The following ZNF536 variants were observed in gnomAD, a reference collection of about 807,000 sequenced individuals.
ZNF536 encodes the protein zinc finger protein 536.
Under a neutral mutation model 84.5 loss-of-function variants are expected in ZNF536, and 13 were observed. The observed-to-expected ratio is 0.15, with a 90% CI of 0.10 to 0.24. The LOEUF is 0.24. ZNF536 is among the 10% of genes least tolerant of loss of function. The probability of loss-of-function intolerance (pLI) is 1.00; values close to 1 mark genes in which losing one functional copy is unlikely to be tolerated. For missense variants in ZNF536, 1,536 were observed against 1,747.5 expected (o/e 0.88, Z 2.16); for synonymous variants, 811 against 742.5 (o/e 1.09, Z -1.50).
At chr19:30,550,570 AGGC>A (rs2045737300) in intron 4 of ZNF536, among the ~76,000 whole-genome samples, 5 of 151,942 alleles carry the variant, frequency 3.3e-5, no homozygotes, top group African/African-American at 1.2e-4. Context: ...GAAGGCAGGA[AGGC>A]AGGAAGGGAG....
At chr19:30,637,352 C>A (rs1178542549) in intron 1 of ZNF536, among the ~76,000 whole-genome samples, 1 of 152,212 alleles carries the variant, frequency 6.6e-6, no homozygotes, top group African/African-American at 2.4e-5. Flanking sequence ...GAGAGTCCAT[C>A]AACTGGGATT....
At chr19:30,524,530 C>T (rs1423141447) in intron 2 of ZNF536, among the ~76,000 whole-genome samples, 2 of 152,190 alleles carry the variant, frequency 1.3e-5, no homozygotes, top group South Asian at 2.1e-4. Flanking sequence ...CTAGGGGAGG[C>T]GTTATCTCCA....
At chr19:30,618,409 A>G (rs1166633078) in intron 1 of ZNF536, among the ~76,000 whole-genome samples, 2 of 152,160 alleles carry the variant, frequency 1.3e-5, no homozygotes, top group African/African-American at 4.8e-5. Context: ...ACAGCATAAT[A>G]TTTTGTTTTC....
chr19:30,366,385 T>TATC (rs1287397335), intron 3 of ZNF536, among the ~76,000 whole-genome samples: 4 of 151,952 alleles, frequency 2.6e-5, no homozygotes, highest in African/African-American at 9.7e-5. Context: ...TCTATCTATC[T>TATC]ATCTATCTAT....
At chr19:30,396,227 C>T (rs1037991170) in intron 1 of ZNF536, among the ~76,000 whole-genome samples, 9 of 152,212 alleles carry the variant, frequency 5.9e-5, no homozygotes, top group African/African-American at 2.2e-4. Flanking sequence ...TGGTACCTCT[C>T]TCCATCTCCT....
At chr19:30,226,983 A>G (rs1252971869), upstream of ZNF536, among the ~76,000 whole-genome samples, 1 of 141,694 alleles carries the variant, frequency 7.1e-6, no homozygotes, top group Non-Finnish European at 1.6e-5. This position sits in a 1 kb window ranked among gnomAD's most constrained non-coding sequence, Gnocchi z 4.6. Flanking sequence ...GGTGTATTTT[A>G]GGCAAAAAAA....
intron 3 of ZNF536, 21 bp from the exon 4 acceptor site, chr19:30,547,922 T>C (rs2045617082): frequency 6.6e-7 from 1 of 1,513,628 alleles, no homozygotes; most frequent in Non-Finnish European, 8.8e-7. Context: ...CTCTTTTTTT[T>C]CTTATATCAA....
chr19:30,693,544 GAGAGA>G (rs983943675), intron 1 of ZNF536, among the ~76,000 whole-genome samples: 3 of 151,902 alleles, frequency 2.0e-5, no homozygotes, highest in Non-Finnish European at 2.9e-5. Flanking sequence ...ATAGTGGGGG[GAGAGA>G]AGAGAAGAAA....
chr19:30,422,856 A>AT (rs2051025751), intron 1 of ZNF536, among the ~76,000 whole-genome samples: 1 of 119,442 alleles, frequency 8.4e-6, no homozygotes, highest in Non-Finnish European at 1.8e-5. Context: ...CATCCATCCA[A>AT]CCATCCATCC....
intron 1 of ZNF536, among the ~76,000 whole-genome samples, chr19:30,702,672 G>T (rs887849220): frequency 3.9e-5 from 6 of 152,126 alleles, no homozygotes; most frequent in African/African-American, 1.4e-4. Flanking sequence ...CCTGTACCTC[G>T]CTGACCTGCT....
chr19:30,384,092 C>CTCTTTCTT (rs5827707), intron 1 of ZNF536, among the ~76,000 whole-genome samples: 20 of 97,924 alleles, frequency 2.0e-4, no homozygotes, highest in Non-Finnish European at 3.4e-4. Context: ...TTCTGCCCAC[C>CTCTTTCTT]TCTTTCTCTT....
chr19:30,698,221 G>A lies in ZNF536; in HGVS notation c.170-12536G>A, dbSNP rs111842596. 9.7e-3 allele frequency among the ~76,000 whole-genome samples: 1,473 copies of A among 152,110 alleles called. 36 individuals carry two copies. The highest frequency in any genetic ancestry group is 0.034 in the African/African-American group (1,395 of 41,472). ...TCTGGAGAATCACTTGAACCTGGGA[G>A]GTGGACGCTGCAGTGAACTGAGACT... On this transcript the variant is annotated intron_variant, in intron 1 of 1. Coordinates refer to the ZNF536 transcript ENST00000592773.
chr19:30,638,178 A>G (rs1029776935), intron 1 of ZNF536, among the ~76,000 whole-genome samples: 3 of 152,268 alleles, frequency 2.0e-5, no homozygotes, highest in Non-Finnish European at 4.4e-5. Flanking sequence ...AAGCCAGGCC[A>G]GGGTGGCTGG....
rs55650802 is a variant in ZNF536 at position 30,414,093 on chromosome 19, C to CAAAA, written c.-2-29450_-2-29447dup. On this transcript the variant is annotated intron_variant, in intron 1 of 4. Transcript: ENST00000355537. ...CGGGCAACAGTGAGAGACTCTGTCT[C>CAAAA]AAAAAAAAAAAAAAAAAAAAAGTTT... 9.0e-3 allele frequency among the ~76,000 whole-genome samples: 732 copies of CAAAA among 81,532 alleles called. 24 individuals carry two copies. The highest frequency in any genetic ancestry group is 0.015 in the East Asian group (38 of 2,478). The allele number at this position is 81,532 out of a possible 152,430, so 53.5% of individuals were successfully genotyped here.
chr19:30,628,665 G>A (rs1047902590), intron 1 of ZNF536, among the ~76,000 whole-genome samples: 115 of 151,884 alleles, frequency 7.6e-4, no homozygotes, highest in African/African-American at 2.4e-3. Flanking sequence ...TCCTGACCTC[G>A]TGATCCACCC....
chr19:30,234,734 A>G (rs1279836304), intron 1 of ZNF536, among the ~76,000 whole-genome samples: 2 of 143,678 alleles, frequency 1.4e-5, no homozygotes, highest in Non-Finnish European at 3.0e-5. Flanking sequence ...TTGTTGCTTT[A>G]TTACTAAATT....
intron 2 of ZNF536, among the ~76,000 whole-genome samples, chr19:30,517,012 C>T (rs1157807490): frequency 2.0e-5 from 3 of 152,118 alleles, no homozygotes; most frequent in East Asian, 3.9e-4. Context: ...AGTCCTGGGA[C>T]GTGATCTTTA....
At chr19:30,443,466 A>G (rs1281353469) in intron 1 of ZNF536, 95 bp from the exon 2 acceptor site, 4 of 1,456,510 alleles carry the variant, frequency 2.7e-6, no homozygotes, top group Non-Finnish European at 3.6e-6. Flanking sequence ...TGTGTAGGTA[A>G]GGCATGAAAT....
At chr19:30,638,755 A>G (rs1279560363) in intron 1 of ZNF536, among the ~76,000 whole-genome samples, 2 of 152,204 alleles carry the variant, frequency 1.3e-5, no homozygotes, top group East Asian at 3.9e-4. Flanking sequence ...GGGGATTGTA[A>G]GGTAGTCATG....
Sources: gnomAD v4.1 joint callset for allele counts (sites outside exome capture counted in the v4.1 genomes callset) on GRCh38, gnomAD v4.1.1 for gene constraint, Gnocchi (gnomAD v3.1) non-coding constraint, MANE v1.5 for transcripts, NCBI Gene and HGNC (gene_info 2026-07-23, HGNC 2026-07-21) for gene names.